Variants in TRPC4 observed in about 807,000 individuals in gnomAD.
TRPC4 encodes short transient receptor potential channel 4.
A neutral mutation model predicts 99.4 loss-of-function variants in TRPC4; 49 were observed. The ratio of observed to expected loss-of-function variants is 0.49; its 90% CI spans 0.39 to 0.63. TRPC4 has a LOEUF of 0.63. Ranked by LOEUF, TRPC4 falls within the 20% of genes least tolerant of loss-of-function variation. TRPC4 has a pLI of 0.00. For synonymous variants in TRPC4, 454 were observed against 425.9 expected, an observed-to-expected ratio of 1.07 and a Z score of -0.81; for missense variants, 898 against 1,152.9, an observed-to-expected ratio of 0.78 and a Z score of 3.20.
chr13:37,647,688 G>T (rs1453125585), intron 8 of TRPC4, among the ~76,000 whole-genome samples: 1 of 152,196 alleles, frequency 6.6e-6, no homozygotes, highest in Non-Finnish European at 1.5e-5. Context: ...TCCCTTTGGG[G>T]TATAATGGTA....
intron 3 of TRPC4, among the ~76,000 whole-genome samples, chr13:37,712,106 G>A (rs1275896227): frequency 6.6e-6 from 1 of 151,940 alleles, no homozygotes; most frequent in Non-Finnish European, 1.5e-5. Flanking sequence ...CAGTCCAAGT[G>A]TTGTTAAAGT....
chr13:37,786,856 C>T (rs547820758), intron 1 of TRPC4, among the ~76,000 whole-genome samples: 13 of 152,002 alleles, frequency 8.6e-5, no homozygotes, highest in Non-Finnish European at 1.3e-4. Flanking sequence ...AATAATTCAA[C>T]TTCTGAGATG....
intron 4 of TRPC4, among the ~76,000 whole-genome samples, chr13:37,675,704 C>A (rs1332849294): frequency 6.6e-6 from 1 of 152,090 alleles, no homozygotes; most frequent in Non-Finnish European, 1.5e-5. Context: ...AAAAACTTTC[C>A]TGTACATAAG....
chr13:37,758,261 A>G (rs1211335742), intron 2 of TRPC4, among the ~76,000 whole-genome samples: 1 of 151,916 alleles, frequency 6.6e-6, no homozygotes, highest in Non-Finnish European at 1.5e-5. Context: ...TAAGGACACC[A>G]CTAAAATAAT....
intron 1 of TRPC4, among the ~76,000 whole-genome samples, chr13:37,823,108 T>A (rs1958066491): frequency 6.6e-6 from 1 of 151,690 alleles, no homozygotes; most frequent in Admixed American, 6.6e-5. Flanking sequence ...ACCCACTTTT[T>A]GATGGGGTTG....
rs1951638073 is a variant in TRPC4 at position 37,639,246 on chromosome 13, A to C, written c.2121+12T>G. 1.9e-6 allele frequency: 3 copies of C among 1,613,562 alleles called. No homozygotes were observed. The highest frequency in any genetic ancestry group is 2.5e-6 in the Non-Finnish European group (3 of 1,179,672). ...AGTGAAAATTTCAAGACATAGTACA[A>C]GGACAACTTACTTGGTATTGGTGAT... On this transcript the variant is annotated intron_variant, in intron 9 of 10. Coordinates refer to ENST00000379705, the MANE Select transcript of TRPC4 (RefSeq NM_016179.4).
intron 1 of TRPC4, among the ~76,000 whole-genome samples, chr13:37,802,489 G>T (rs1172767989): frequency 6.6e-6 from 1 of 152,106 alleles, no homozygotes; most frequent in Admixed American, 6.6e-5. Flanking sequence ...AGGTCTGCCT[G>T]ACTTTTCTCA....
intron 3 of TRPC4, among the ~76,000 whole-genome samples, chr13:37,704,425 G>A (rs1244979284): frequency 6.6e-6 from 1 of 152,134 alleles, no homozygotes; most frequent in Non-Finnish European, 1.5e-5. Flanking sequence ...GGTGGCTCAT[G>A]CCTGTAATCC....
chr13:37,656,614 G>C (rs1192084753), intron 6 of TRPC4, among the ~76,000 whole-genome samples: 2 of 152,124 alleles, frequency 1.3e-5, no homozygotes, highest in African/African-American at 4.8e-5. Flanking sequence ...AGGCAAAAAA[G>C]ATCAGAATTC....
At chr13:37,829,018 T>C (rs1022254923) in intron 1 of TRPC4, among the ~76,000 whole-genome samples, 1 of 152,208 alleles carries the variant, frequency 6.6e-6, no homozygotes, top group African/African-American at 2.4e-5. Context: ...CAATTCTTAT[T>C]GAAAACATAG....
intron 2 of TRPC4, among the ~76,000 whole-genome samples, chr13:37,780,119 C>T (rs1415817572): frequency 6.6e-6 from 1 of 152,022 alleles, no homozygotes; most frequent in East Asian, 1.9e-4. Flanking sequence ...AAATTGTTCC[C>T]CTGTGAAAGC....
chr13:37,664,904 T>G (rs761159276), intron 5 of TRPC4, among the ~76,000 whole-genome samples: 1 of 152,204 alleles, frequency 6.6e-6, no homozygotes, highest in African/African-American at 2.4e-5. Flanking sequence ...CCTGATCTTA[T>G]TCAACACTCA....
intron 1 of TRPC4, among the ~76,000 whole-genome samples, chr13:37,815,298 T>C (rs651721): frequency 0.042 from 6,313 of 151,884 alleles, 299 homozygotes; most frequent in African/African-American, 0.12. Flanking sequence ...ATAGGCTAAA[T>C]GTCTCACTCA....
intron 3 of TRPC4, among the ~76,000 whole-genome samples, chr13:37,740,658 C>G (rs887608047): frequency 2.0e-5 from 3 of 152,188 alleles, no homozygotes; most frequent in African/African-American, 4.8e-5. Context: ...TCCCTACATT[C>G]TCCCCACCTC....
intron 8 of TRPC4, among the ~76,000 whole-genome samples, chr13:37,645,449 T>TGAC (rs1566064218): frequency 9.9e-5 from 15 of 152,202 alleles, no homozygotes; most frequent in African/African-American, 3.6e-4. Context: ...TCATTTCATG[T>TGAC]AGCTAGTCCC....
intron 6 of TRPC4, among the ~76,000 whole-genome samples, chr13:37,661,336 G>C (rs1566076842): frequency 6.6e-6 from 1 of 152,080 alleles, no homozygotes. Context: ...AACCAATATA[G>C]GGACAAAGAA....
intron 1 of TRPC4, among the ~76,000 whole-genome samples, chr13:37,810,729 T>A (rs971032331): frequency 2.0e-5 from 3 of 152,108 alleles, no homozygotes; most frequent in Admixed American, 6.6e-5. Context: ...TGCTCTTTGG[T>A]AATATTTCCA....
intron 1 of TRPC4, among the ~76,000 whole-genome samples, chr13:37,856,608 T>A (rs577482897): frequency 6.6e-6 from 1 of 151,376 alleles, no homozygotes; most frequent in Non-Finnish European, 1.5e-5. Flanking sequence ...ATATCTCTGA[T>A]GAATATTGAG....
intron 1 of TRPC4, among the ~76,000 whole-genome samples, chr13:37,857,277 C>G (rs934993329): frequency 6.6e-6 from 1 of 150,780 alleles, no homozygotes; most frequent in African/African-American, 2.4e-5. Context: ...AAAAGGACAC[C>G]AAAAATGGAC....
Sources: gnomAD v4.1 joint callset for allele counts (sites outside exome capture counted in the v4.1 genomes callset) on GRCh38, gnomAD v4.1.1 for gene constraint, MANE v1.5 for transcripts, NCBI Gene and HGNC (gene_info 2026-07-23, HGNC 2026-07-21) for gene names.